Variants in UQCRC2 observed in about 807,000 individuals in gnomAD.
UQCRC2 encodes ubiquinol-cytochrome c reductase core protein 2.
Under a neutral mutation model 55.6 loss-of-function variants are expected in UQCRC2, and 49 were observed. The ratio of observed to expected loss-of-function variants is 0.88; its 90% CI spans 0.70 to 1.12. The LOEUF is 1.12. Ranked by LOEUF, UQCRC2 falls within the 50% of genes most tolerant of loss-of-function variation. The pLI is 0.00. For missense variants in UQCRC2, 506 were observed against 547.8 expected, an observed-to-expected ratio of 0.92 and a Z score of 0.76; for synonymous variants, 193 against 192.0, an observed-to-expected ratio of 1.01 and a Z score of -0.04.
At chr16:21,953,565 C>A in intron 1 of UQCRC2, 109 bp downstream of exon 1, 1 of 1,404,308 alleles carries the variant, frequency 7.1e-7, no homozygotes, top group South Asian at 1.4e-5. Flanking sequence ...TTCGGTCTGC[C>A]CTTCAGCTGA....
intron 4 of UQCRC2, chr16:21,962,130 A>G (rs1567470884): frequency 4.4e-6 from 1 of 227,652 alleles, no homozygotes; most frequent in Non-Finnish European, 8.7e-6. Context: ...CAGTCTCTAC[A>G]AATTTGACTA....
chr16:21,983,330 A>G lies in UQCRC2; in HGVS notation c.*159A>G, dbSNP rs1597972967. The G allele has an allele frequency of 1.2e-5, 7 of 594,696 alleles. No homozygotes were observed. The East Asian group carries it at 2.1e-4, about 18-fold the overall frequency. 36.8% of individuals were successfully genotyped at this position (594,696 alleles called of 1,614,324 possible). On this transcript the variant is annotated 3_prime_UTR_variant, in exon 14 of 14. Transcript: ENST00000268379. ...ATTATTCCCAGCTGACCTAAAGTCA[A>G]TAAAACATTCTGTTTAAGTGTTTTT...
At chr16:21,959,779 T>C (rs938623426) in intron 4 of UQCRC2, 1 of 152,228 alleles carries the variant, frequency 6.6e-6, no homozygotes, top group South Asian at 2.1e-4. Flanking sequence ...TACTCCTTGA[T>C]CCATGGGGTG....
At chr16:21,983,027 C>A in intron 13 of UQCRC2, 61 bp from the exon 14 acceptor site, 1 of 1,470,384 alleles carries the variant, frequency 6.8e-7, no homozygotes, top group Non-Finnish European at 9.4e-7. Flanking sequence ...AATAAGTTCG[C>A]CTGCTTGATG....
intron 4 of UQCRC2, among the ~76,000 whole-genome samples, chr16:21,961,626 T>TATATATATATATATA (rs1898200733): frequency 1.6e-5 from 1 of 64,476 alleles, no homozygotes; most frequent in Non-Finnish European, 4.3e-5. Flanking sequence ...AACATAAAAT[T>TATATATATATATATA]TATATATATA....
At position 21,971,956 on chromosome 16, in the gene UQCRC2, T is replaced by G; in HGVS notation, c.800T>G (p.Val267Gly). 2 of 1,614,176 alleles carry G rather than the reference T, an allele frequency of 1.2e-6. No individual in the cohort carries two copies. The highest frequency in any genetic ancestry group is 1.7e-6 in the Non-Finnish European group (2 of 1,180,038). The change falls in exon 10 of 14, where the codon GTC becomes GGC. Residue 267 changes from valine (V) to glycine (G), a missense_variant. Transcript: ENST00000268379. ...EIREQNGDSLVHAAFVAESAV... is the reference protein window; with the variant it reads ...EIREQNGDSLGHAAFVAESAV... The stretch of plus-strand genomic sequence containing the variant: ...CGAGAACAGAATGGAGACAGTCTTG[T>G]CCATGCTGCTTTTGTAGCAGAAAGT...
chr16:21,964,650 A>G (rs553912319), intron 6 of UQCRC2, among the ~76,000 whole-genome samples: 2 of 152,284 alleles, frequency 1.3e-5, no homozygotes, highest in East Asian at 3.9e-4. Context: ...ATTCTGTAAG[A>G]TGGATCCCAC....
At chr16:21,963,131 G>C in intron 6 of UQCRC2, 1 of 301,588 alleles carries the variant, frequency 3.3e-6, no homozygotes, top group Non-Finnish European at 6.2e-6. Flanking sequence ...TGGAATTATA[G>C]GTGTGCACCA....
intron 3 of UQCRC2, among the ~76,000 whole-genome samples, chr16:21,958,244 A>T (rs150879926): frequency 3.9e-5 from 6 of 152,306 alleles, no homozygotes; most frequent in African/African-American, 1.4e-4. Flanking sequence ...AAGTGCCGCA[A>T]ATTGAAAGAA....
chr16:21,974,753 T>G lies in UQCRC2; in HGVS notation c.1047+777T>G, dbSNP rs142945321. 1.6e-3 allele frequency among the ~76,000 whole-genome samples: 244 copies of G among 152,292 alleles called. 1 individual carries two copies. Among genetic ancestry groups the G allele is most frequent in the African/African-American group, 5.7e-3 (237 of 41,562 alleles). On this transcript the variant is annotated intron_variant, in intron 11 of 13. Coordinates refer to ENST00000268379, the MANE Select transcript of UQCRC2 (RefSeq NM_003366.4). ...CTGAGCAAAAAGATCGGAGCAGATATCGGAGATAGAAAATTATAAATGGCT... is the reference window on the plus strand; with the variant it reads ...CTGAGCAAAAAGATCGGAGCAGATAGCGGAGATAGAAAATTATAAATGGCT...
At chr16:21,981,143 T>C (rs2141949944) in intron 13 of UQCRC2, among the ~76,000 whole-genome samples, 1 of 152,346 alleles carries the variant, frequency 6.6e-6, no homozygotes, top group East Asian at 1.9e-4. Context: ...GTCCTAGCAA[T>C]ATTTCACCAT....
At chr16:21,980,810 T>C (rs1326448190) in intron 13 of UQCRC2, 110 bp downstream of exon 13, 1 of 1,287,274 alleles carries the variant, frequency 7.8e-7, no homozygotes, top group Admixed American at 2.5e-5. Flanking sequence ...TTATGTTTGG[T>C]GCTCATCTAC....
Position 21,973,902 on chromosome 16 carries a change from G to T in UQCRC2, c.973G>T (p.Ala325Ser). Residue 325 changes from alanine (A) to serine (S), a missense_variant, in exon 11 of 14, where the codon GCA (alanine) becomes TCA (serine). By Grantham distance (99) the Ala-to-Ser change is moderately conservative. Coordinates refer to ENST00000268379, the MANE Select transcript of UQCRC2 (RefSeq NM_003366.4). ...AAGTCTCATTATCTTTCAGGTTTCTGCATTTAATGCCAGTTACTCAGATTC... is the reference window on the plus strand; with the variant it reads ...AAGTCTCATTATCTTTCAGGTTTCTTCATTTAATGCCAGTTACTCAGATTC... ...KATQQPFDVS[A>S]FNASYSDSGL... 6.2e-7 allele frequency: 1 copy of T among 1,612,546 alleles called. No individual in the cohort carries two copies. Among genetic ancestry groups the T allele is most frequent in the Non-Finnish European group, 8.5e-7 (1 of 1,179,374 alleles).
intron 4 of UQCRC2, chr16:21,961,248 GA>G: frequency 5.1e-6 from 2 of 389,320 alleles, no homozygotes; most frequent in Non-Finnish European, 1.1e-5. Flanking sequence ...TGGTAATATT[GA>G]AAAACCCCAC....
intron 4 of UQCRC2, among the ~76,000 whole-genome samples, chr16:21,960,147 C>T (rs1420803685): frequency 2.0e-5 from 3 of 152,204 alleles, no homozygotes; most frequent in African/African-American, 2.4e-5. Flanking sequence ...ATGTCCTGGA[C>T]GGCATCTTCC....
chr16:21,960,376 C>CA (rs1247758437), intron 4 of UQCRC2, among the ~76,000 whole-genome samples: 1 of 152,252 alleles, frequency 6.6e-6, no homozygotes, highest in Non-Finnish European at 1.5e-5. Context: ...TCACCTCTCT[C>CA]AGCCTTCATA....
chr16:21,973,974 G>T lies in UQCRC2; in HGVS notation c.1045G>T (p.Asp349Tyr). 5 of 1,606,078 alleles carry T rather than the reference G, an allele frequency of 3.1e-6. No homozygotes were observed. Among genetic ancestry groups the T allele is most frequent in the Non-Finnish European group, 4.2e-6 (5 of 1,178,140 alleles). ...YTISQATAAG[D>Y]VIKAAYNQVK... ...TATCTCCCAGGCCACAGCTGCTGGA[G>T]ATGTAAGTTGCAAACTCACCAAACT... is the stretch of plus-strand genomic sequence containing the variant. Residue 349 changes from aspartate (D) to tyrosine (Y), a missense_variant and splice_region_variant, in exon 11 of 14, where the codon GAT (aspartate) becomes TAT (tyrosine). Transcript: ENST00000268379.
intron 12 of UQCRC2, 32 bp downstream of exon 12, chr16:21,976,275 T>G: frequency 6.5e-7 from 1 of 1,540,920 alleles, no homozygotes; most frequent in Non-Finnish European, 9.0e-7. Flanking sequence ...GTTTTATGTT[T>G]TTGTTATTTG....
intron 6 of UQCRC2, among the ~76,000 whole-genome samples, chr16:21,963,454 T>C (rs1237032654): frequency 6.6e-6 from 1 of 151,928 alleles, no homozygotes; most frequent in Non-Finnish European, 1.5e-5. Context: ...TCCTTCCCAA[T>C]GTTTTGTTTT....
Sources: allele counts gnomAD v4.1 joint callset (sites outside exome capture counted in the v4.1 genomes callset), GRCh38; gene constraint gnomAD v4.1.1; transcripts MANE v1.5; gene names NCBI Gene and HGNC (gene_info 2026-07-23, HGNC 2026-07-21).